The following TNRC6B variants were observed in gnomAD, a reference collection of about 807,000 sequenced individuals.
TNRC6B encodes trinucleotide repeat-containing gene 6B protein.
Under a neutral mutation model 203.6 loss-of-function variants are expected in TNRC6B, and 52 were observed. The observed-to-expected ratio is 0.26, with a 90% confidence interval of 0.20 to 0.32. The LOEUF (loss-of-function observed/expected upper bound fraction) is 0.32. Among genes scored for constraint, TNRC6B ranks in the 10% least tolerant of loss-of-function variants. The pLI is 1.00. For synonymous variants in TNRC6B, 838 were observed against 845.7 expected, an observed-to-expected ratio of 0.99 and a Z score of 0.16; for missense variants, 1,923 against 2,286.2, an observed-to-expected ratio of 0.84 and a Z score of 3.24.
intron 1 of TNRC6B, among the ~76,000 whole-genome samples, chr22:40,070,123 G>A (rs1254144756): frequency 2.6e-5 from 4 of 151,972 alleles, no homozygotes; most frequent in African/African-American, 9.7e-5. Flanking sequence ...GCTTTAATCT[G>A]GCTTTATAGT....
At chr22:40,208,010 A>T (rs1239862497) in intron 1 of TNRC6B, among the ~76,000 whole-genome samples, 1 of 148,376 alleles carries the variant, frequency 6.7e-6, no homozygotes, top group Admixed American at 6.9e-5. Flanking sequence ...GCTACTCGGG[A>T]GGCTGAGGCA....
In TNRC6B at chr22:40,265,077, A is replaced by G. The variant is rs1350470968; in HGVS notation, c.847A>G (p.Asn283Asp). The change falls in exon 5 of 23, where the codon AAT (asparagine) becomes GAT (aspartate). Residue 283 changes from asparagine to aspartate, a missense_variant. Around this residue, in one of 8 missense-constraint regions of TNRC6B, gnomAD observed 614 missense variants for 587.7 expected, o/e 1.04. Transcript: ENST00000454349. The part of the protein sequence containing the change: ...STTENNNGLG[N>D]WRNVSGQDRI... Reference sequence around the variant, plus strand: ...TACAGAGAACAACAATGGACTAGGAAATTGGAGGAATGTGAGTGGTCAGGA... The same window carrying G: ...TACAGAGAACAACAATGGACTAGGAGATTGGAGGAATGTGAGTGGTCAGGA... 1 of 1,613,974 alleles carries G rather than the reference A, an allele frequency of 6.2e-7. No individual in the cohort carries two copies. Among genetic ancestry groups the G allele is most frequent in the Admixed American group, 1.7e-5 (1 of 60,020 alleles).
intron 3 of TNRC6B, among the ~76,000 whole-genome samples, chr22:40,143,158 A>C (rs1242640836): frequency 6.6e-6 from 1 of 152,220 alleles, no homozygotes; most frequent in African/African-American, 2.4e-5. Flanking sequence ...GGCTGGGCAC[A>C]GTGGCTCATG....
intron 2 of TNRC6B, among the ~76,000 whole-genome samples, chr22:40,118,750 A>G (rs149804243): frequency 2.0e-5 from 3 of 152,336 alleles, no homozygotes; most frequent in East Asian, 3.9e-4. Context: ...AGAGGAATCT[A>G]TGTGAGTAAA....
intron 1 of TNRC6B, among the ~76,000 whole-genome samples, chr22:40,065,590 A>G (rs2067888566): frequency 6.6e-6 from 1 of 152,108 alleles, no homozygotes; most frequent in Non-Finnish European, 1.5e-5. Context: ...TTGTTGGCAT[A>G]CAGTTCATGT....
At chr22:40,115,712 A>T (rs1362655536) in intron 1 of TNRC6B, among the ~76,000 whole-genome samples, 1 of 152,172 alleles carries the variant, frequency 6.6e-6, no homozygotes, top group African/African-American at 2.4e-5. Context: ...GAAAATTTCT[A>T]GGAGATAACA....
At chr22:40,219,871 A>T (rs1030635782) in intron 1 of TNRC6B, among the ~76,000 whole-genome samples, 1 of 152,100 alleles carries the variant, frequency 6.6e-6, no homozygotes, top group African/African-American at 2.4e-5. Flanking sequence ...TGCTGGTTTA[A>T]TGCCTGTTCC....
At chr22:40,108,482 T>C (rs2068305845) in intron 1 of TNRC6B, among the ~76,000 whole-genome samples, 1 of 152,238 alleles carries the variant, frequency 6.6e-6, no homozygotes. Flanking sequence ...TCTTTTTCAA[T>C]GAACACTTGT....
upstream of TNRC6B, chr22:40,177,810 T>A (rs951596858): frequency 7.8e-7 from 1 of 1,278,140 alleles, no homozygotes; most frequent in African/African-American, 1.5e-5. Context: ...GGAAAAGGGC[T>A]GCTTCCCCTT....
chr22:40,294,924 G>A (rs1042983715), intron 12 of TNRC6B, among the ~76,000 whole-genome samples: 6 of 152,176 alleles, frequency 3.9e-5, no homozygotes, highest in Admixed American at 6.5e-5. Context: ...GTGCTCACTT[G>A]GTGCTCACGT....
chr22:40,304,504 A>G (rs1339213151), intron 15 of TNRC6B, among the ~76,000 whole-genome samples: 2 of 152,212 alleles, frequency 1.3e-5, no homozygotes. Context: ...GGCTAGGGGA[A>G]GGAACATATA....
chr22:40,319,618 G>A (rs2071308982), intron 21 of TNRC6B, among the ~76,000 whole-genome samples: 1 of 151,858 alleles, frequency 6.6e-6, no homozygotes, highest in African/African-American at 2.4e-5. Context: ...GTAGAGATGG[G>A]TTTCACCATG....
In TNRC6B at chr22:40,310,801, T is replaced by A. The variant is rs1299711840; in HGVS notation, c.4259-16T>A. 14 of 1,599,202 alleles carry A rather than the reference T, an allele frequency of 8.8e-6. No individual in the cohort carries two copies. The highest frequency in any genetic ancestry group is 1.1e-5 in the Non-Finnish European group (13 of 1,173,264). On this transcript the variant is annotated splice_polypyrimidine_tract_variant and intron_variant, in intron 16 of 22. Coordinates refer to ENST00000454349, the MANE Select transcript of TNRC6B (RefSeq NM_001162501.2). ...AGGAGTTATTCTGGATGATTTAATT[T>A]CCTCTCTTTTCTCAGGCGCTATAGT...
chr22:40,150,601 A>C (rs996064657), intron 3 of TNRC6B, among the ~76,000 whole-genome samples: 1 of 152,172 alleles, frequency 6.6e-6, no homozygotes, highest in Non-Finnish European at 1.5e-5. Flanking sequence ...ACCCTTGCCC[A>C]CCTGGCAGAA....
intron 1 of TNRC6B, among the ~76,000 whole-genome samples, chr22:40,234,417 A>G (rs2069920959): frequency 6.6e-6 from 1 of 151,558 alleles, no homozygotes. Context: ...TTTTCTTGAA[A>G]AGAAACAACC....
chr22:40,050,184 C>T (rs560443054), intron 1 of TNRC6B, among the ~76,000 whole-genome samples: 3 of 152,256 alleles, frequency 2.0e-5, no homozygotes, highest in Non-Finnish European at 4.4e-5. Flanking sequence ...AGCCCGGATC[C>T]AGCGACCTGA....
intron 1 of TNRC6B, among the ~76,000 whole-genome samples, chr22:40,102,969 C>T (rs981142776): frequency 1.1e-4 from 16 of 151,986 alleles, no homozygotes; most frequent in Admixed American, 1.0e-3. Context: ...CCCAGCTACT[C>T]GGGAGACTGA....
chr22:40,251,081 C>A, intron 2 of TNRC6B, 98 bp from the exon 3 acceptor site: 1 of 995,810 alleles, frequency 1.0e-6, no homozygotes, highest in Non-Finnish European at 1.4e-6. Flanking sequence ...GTGTGCCTGA[C>A]AGCTTGGATT....
intron 21 of TNRC6B, among the ~76,000 whole-genome samples, 154 bp from the exon 22 acceptor site, chr22:40,320,936 T>C (rs1295616392): frequency 6.6e-6 from 1 of 152,210 alleles, no homozygotes; most frequent in Non-Finnish European, 1.5e-5. Flanking sequence ...AAACAGACCA[T>C]AGGCTGAATC....
Sources: gnomAD v4.1 joint callset for allele counts (sites outside exome capture counted in the v4.1 genomes callset) on GRCh38, gnomAD v4.1.1 for gene constraint, gnomAD v4.1.1 regional missense constraint, MANE v1.5 for transcripts, NCBI Gene and HGNC (gene_info 2026-07-23, HGNC 2026-07-21) for gene names.